The following ANKRD11 variants were observed in gnomAD, a reference collection of about 807,000 sequenced individuals.
ANKRD11 encodes ankyrin repeat domain-containing protein 11.
ANKRD11 carries 17 observed loss-of-function variants against 195.7 expected under a neutral mutation model. The observed-to-expected ratio is 0.09, with a 90% confidence interval of 0.06 to 0.13. The LOEUF (loss-of-function observed/expected upper bound fraction) is 0.13. Ranked by LOEUF, ANKRD11 falls within the 10% of genes least tolerant of loss-of-function variation. The probability of loss-of-function intolerance (pLI) is 1.00; values close to 1 mark genes in which losing one functional copy is unlikely to be tolerated. For synonymous variants in ANKRD11, 1,953 were observed against 1,528.1 expected (o/e 1.28, Z -6.49); for missense variants, 3,735 against 3,566.1 (o/e 1.05, Z -1.21).
Position 89,281,562 on chromosome 16 carries a change from A to T in ANKRD11, c.4980T>A (p.Ile1660=). The change falls in exon 9 of 13, where the codon ATT becomes ATA. Residue 1660 remains isoleucine (I), a synonymous_variant. Transcript: ENST00000301030. The surrounding 1 kb of genome is among the most constrained non-coding windows in gnomAD (Gnocchi z 5.5). ...KDKKLKESTP[I]PPAAENKLHP... is the part of the protein sequence containing the mutation. The stretch of plus-strand genomic sequence containing the variant: ...GTAGCTTATTTTCCGCGGCAGGTGG[A>T]ATAGGAGTCGACTCTTTGAGCTTTT... 1 of 1,614,172 alleles carries T rather than the reference A, an allele frequency of 6.2e-7. No individual in the cohort carries two copies. Among genetic ancestry groups the T allele is most frequent in the Non-Finnish European group, 8.5e-7 (1 of 1,180,022 alleles).
intron 1 of ANKRD11, among the ~76,000 whole-genome samples, chr16:89,454,984 C>T (rs566655969): frequency 5.5e-4 from 53 of 95,716 alleles, no homozygotes; most frequent in African/African-American, 2.2e-3. Flanking sequence ...CTGGGTGCTT[C>T]TAGGGTTCCT....
intron 3 of ANKRD11, among the ~76,000 whole-genome samples, chr16:89,308,250 A>G (rs1786455927): frequency 6.6e-6 from 1 of 152,260 alleles, no homozygotes; most frequent in Admixed American, 6.5e-5. Context: ...GACATTTAAA[A>G]AGCAATGTAA....
rs752668552 is a variant in ANKRD11, at chr16:89,281,957, T to C, written c.4585A>G (p.Lys1529Glu). Reference protein sequence around the residue: ...RDEGPRLGDAKLKEKFKDGAE... With the variant: ...RDEGPRLGDAELKEKFKDGAE... ...CCGTCCTTGAATTTCTCCTTCAGTT[T>C]GGCATCGCCGAGCCTCGGGCCCTCG... The change falls in exon 9 of 13, where the codon AAA becomes GAA. Residue 1529 changes from lysine (K) to glutamate (E), a missense_variant. Transcript: ENST00000301030. This position sits in a 1 kb window ranked among gnomAD's most constrained non-coding sequence, Gnocchi z 5.5. 6.2e-7 allele frequency: 1 copy of C among 1,612,778 alleles called. No homozygotes were observed. The highest frequency in any genetic ancestry group is 8.5e-7 in the Non-Finnish European group (1 of 1,180,044).
rs1377484036 is a variant in ANKRD11, at chr16:89,457,199, T to C, written c.-145+33046A>G. Among the ~76,000 whole-genome samples the C allele has an allele frequency of 1.7e-4, 26 of 150,730 alleles. No homozygotes were observed. The South Asian group carries it at 4.6e-3, about 27-fold the overall frequency. ...TGGTCTCGATCTCCTGACCTCGTGA[T>C]CCGCCCGCCTCGGCCTCCCAAAGTG... On this transcript the variant is annotated intron_variant, in intron 1 of 12. Coordinates refer to ENST00000301030, the MANE Select transcript of ANKRD11 (RefSeq NM_013275.6).
At chr16:89,390,230 C>T (rs1433610993) in intron 2 of ANKRD11, among the ~76,000 whole-genome samples, 1 of 75,798 alleles carries the variant, frequency 1.3e-5, no homozygotes, top group Non-Finnish European at 2.7e-5. Flanking sequence ...CGGGGAGCAC[C>T]GAGAGAGAAG....
At chr16:89,292,724 T>G (rs746483666) in intron 4 of ANKRD11, among the ~76,000 whole-genome samples, 1 of 152,302 alleles carries the variant, frequency 6.6e-6, no homozygotes, top group Admixed American at 6.5e-5. Context: ...CAGCCCCTCA[T>G]AGAACCTGGC....
At position 89,285,614 on chromosome 16, in the gene ANKRD11, G is replaced by C; in HGVS notation, c.928C>G (p.Pro310Ala). 6.2e-7 allele frequency: 1 copy of C among 1,614,218 alleles called. No individual in the cohort carries two copies. The highest frequency in any genetic ancestry group is 1.3e-5 in the African/African-American group (1 of 75,058). ...TTGTTGCCGTCGACTGAACTGGAAG[G>C]TGCGAAGGATGGTGCGTCTTCCTCT... ...SEEEDAPSFAPSSSVDGNNTD... is the reference protein window; with the variant it reads ...SEEEDAPSFAASSSVDGNNTD... Residue 310 changes from proline (P) to alanine (A), a missense_variant, in exon 9 of 13, where the codon CCT becomes GCT. Coordinates refer to ENST00000301030, the MANE Select transcript of ANKRD11 (RefSeq NM_013275.6). The surrounding 1 kb of genome is among the most constrained non-coding windows in gnomAD (Gnocchi z 5.6).
In ANKRD11 at chr16:89,443,024, G is replaced by A. The variant is rs192470768; in HGVS notation, c.-144-24656C>T. On this transcript the variant is annotated intron_variant, in intron 1 of 12. Transcript: ENST00000301030. ...TCTTATTTTTTTGAAACAGAATCTCGCTCTGTCATCCAGACTGGAGTGCAA... is the reference window on the plus strand; with the variant it reads ...TCTTATTTTTTTGAAACAGAATCTCACTCTGTCATCCAGACTGGAGTGCAA... 6.6e-5 allele frequency among the ~76,000 whole-genome samples: 10 copies of A among 152,126 alleles called. No individual in the cohort carries two copies. The East Asian group carries it at 9.6e-4, about 15-fold the overall frequency.
chr16:89,417,813 C>T (rs529247141), intron 2 of ANKRD11, among the ~76,000 whole-genome samples: 10 of 152,246 alleles, frequency 6.6e-5, no homozygotes, highest in Non-Finnish European at 1.5e-4. Flanking sequence ...TCCCAGGATA[C>T]AGAATCCTCA....
At chr16:89,460,574 CA>C (rs2056618292) in intron 1 of ANKRD11, among the ~76,000 whole-genome samples, 1 of 152,006 alleles carries the variant, frequency 6.6e-6, no homozygotes, top group African/African-American at 2.4e-5. Flanking sequence ...CAAAACAAAA[CA>C]AAAATTAAAT....
At chr16:89,271,308 G>A in intron 11 of ANKRD11, 1 of 306,656 alleles carries the variant, frequency 3.3e-6, no homozygotes, top group Non-Finnish European at 6.4e-6. Context: ...CGCGATCCTG[G>A]CTCACCGCAG....
intron 3 of ANKRD11, among the ~76,000 whole-genome samples, chr16:89,315,822 G>A (rs563152879): frequency 5.9e-5 from 9 of 152,280 alleles, no homozygotes; most frequent in Admixed American, 2.0e-4. Flanking sequence ...GGGGAAGGCC[G>A]TCTTGCTGGT....
At chr16:89,479,675 T>C (rs753239541) in intron 1 of ANKRD11, among the ~76,000 whole-genome samples, 4 of 150,336 alleles carry the variant, frequency 2.7e-5, no homozygotes, top group Non-Finnish European at 5.9e-5. Context: ...CCAGACGCAG[T>C]GGCTCACACC....
rs769693940 is a variant in ANKRD11 at position 89,284,444 on chromosome 16, G to C, written c.2098C>G (p.Leu700Val). The change falls in exon 9 of 13, where the codon CTT becomes GTT. Residue 700 changes from leucine (L) to valine (V), a missense_variant. Physicochemically the swap from Leu to Val is conservative, Grantham distance 32 (BLOSUM62 1). Coordinates refer to ENST00000301030, the MANE Select transcript of ANKRD11 (RefSeq NM_013275.6). ...TTTTCTTCTAATTTCATTTTGCTAAGTTTCTCTTCTTTTTTAAAGTGGTCG... is the reference window on the plus strand; with the variant it reads ...TTTTCTTCTAATTTCATTTTGCTAACTTTCTCTTCTTTTTTAAAGTGGTCG... Reference protein sequence around the residue: ...DRDHFKKEEKLSKMKLEEKEW... With the variant: ...DRDHFKKEEKVSKMKLEEKEW... The C allele has an allele frequency of 6.2e-7, 1 of 1,613,390 alleles. No individual in the cohort carries two copies.
chr16:89,279,050 C>T lies in ANKRD11; in HGVS notation c.7470+22G>A, dbSNP rs139905754. On this transcript the variant is annotated intron_variant, in intron 9 of 12. Transcript: ENST00000301030. This position sits in a 1 kb window ranked among gnomAD's most constrained non-coding sequence, Gnocchi z 5.6. Reference sequence around the variant, plus strand: ...GCATCCCAGAGAGAGAAGGCAGTGGCTCTCCCGGGCCCCGCACTCACCACG... The same window carrying T: ...GCATCCCAGAGAGAGAAGGCAGTGGTTCTCCCGGGCCCCGCACTCACCACG... 182 of 1,613,190 alleles carry T rather than the reference C, an allele frequency of 1.1e-4. No individual in the cohort carries two copies. The highest frequency in any genetic ancestry group is 5.0e-4 in the Middle Eastern group (3 of 6,056).
In ANKRD11 at chr16:89,432,790, A is replaced by T. The variant is rs141533394; in HGVS notation, c.-144-14422T>A. ...TGGGACCCCATCCCTATAAAAAATT[A>T]AAAAATTTGGCATGGTGGTACACGC... On this transcript the variant is annotated intron_variant, in intron 1 of 12. Coordinates refer to ENST00000301030, the MANE Select transcript of ANKRD11 (RefSeq NM_013275.6). Among the ~76,000 whole-genome samples, 797 of 152,160 alleles carry T rather than the reference A, an allele frequency of 5.2e-3. 5 individuals carry two copies. The highest frequency in any genetic ancestry group is 0.018 in the African/African-American group (767 of 41,498).
intron 2 of ANKRD11, among the ~76,000 whole-genome samples, chr16:89,411,409 T>C (rs1597325497): frequency 6.6e-6 from 1 of 152,162 alleles, no homozygotes; most frequent in South Asian, 2.1e-4. Flanking sequence ...GTCGAGATGG[T>C]CTACATTTCT....
chr16:89,384,448 G>A (rs2040802658), intron 2 of ANKRD11, among the ~76,000 whole-genome samples: 1 of 152,014 alleles, frequency 6.6e-6, no homozygotes, highest in Admixed American at 6.6e-5. Context: ...GAGCAGAACG[G>A]GATGGGATGA....
chr16:89,369,254 C>T (rs562681801), intron 2 of ANKRD11, among the ~76,000 whole-genome samples: 1 of 152,364 alleles, frequency 6.6e-6, no homozygotes, highest in African/African-American at 2.4e-5. Context: ...GCGACCTACA[C>T]CTAGGTACGC....
Sources: allele counts gnomAD v4.1 joint callset (sites outside exome capture counted in the v4.1 genomes callset), GRCh38; gene constraint gnomAD v4.1.1; non-coding constraint Gnocchi (gnomAD v3.1); transcripts MANE v1.5; gene names NCBI Gene and HGNC (gene_info 2026-07-23, HGNC 2026-07-21).